Variants in LINGO2 observed in about 807,000 individuals in gnomAD.
LINGO2 encodes leucine rich repeat and Ig domain containing 2.
A neutral mutation model predicts 30.6 loss-of-function variants in LINGO2; 14 were observed. The observed-to-expected ratio is 0.46, with a 90% CI of 0.30 to 0.72. The LOEUF is 0.72. LINGO2 is among the 30% of genes least tolerant of loss of function. The probability of loss-of-function intolerance (pLI) is 0.07; values close to 1 mark genes in which losing one functional copy is unlikely to be tolerated. For synonymous variants in LINGO2, 317 were observed against 288.5 expected (o/e 1.10, Z -1.00); for missense variants, 729 against 751.7 (o/e 0.97, Z 0.35).
At chr9:28,733,657 C>T in the LINGO2 span, among the ~76,000 whole-genome samples, 14 of 152,018 alleles carry the variant, frequency 9.2e-5, no homozygotes, top group Non-Finnish European at 1.3e-4. Flanking sequence ...TTAACCAGTC[C>T]ACCTTTTTCT....
chr9:28,668,547 T>TA (rs150489088), intron 1 of LINGO2, among the ~76,000 whole-genome samples: 1,542 of 147,312 alleles, frequency 0.01, 30 homozygotes, highest in East Asian at 0.074. Context: ...TTTCAGCTGA[T>TA]AAAAAAAAAA....
At chr9:28,181,422 T>A (rs1217400232) in intron 4 of LINGO2, among the ~76,000 whole-genome samples, 4 of 152,160 alleles carry the variant, frequency 2.6e-5, no homozygotes, top group South Asian at 2.1e-4. Flanking sequence ...GATCTCAAAG[T>A]GTGATATCTC....
chr9:27,978,614 T>C (rs1338595555), intron 5 of LINGO2, among the ~76,000 whole-genome samples: 1 of 152,018 alleles, frequency 6.6e-6, no homozygotes, highest in African/African-American at 2.4e-5. Flanking sequence ...CATGAAGGTC[T>C]TCCTACTATG....
the LINGO2 span, among the ~76,000 whole-genome samples, chr9:29,206,255 T>C: frequency 6.6e-6 from 1 of 152,324 alleles, no homozygotes; most frequent in East Asian, 1.9e-4. Context: ...GATAAACTTC[T>C]AAAAGAGGAA....
rs1828958211 is a variant in LINGO2, at chr9:28,670,185, A to G, written c.-365+15T>C. On this transcript the variant is annotated intron_variant, in intron 1 of 5. Coordinates refer to ENST00000379992, the Ensembl canonical transcript of LINGO2. ...TTCATCCTGAAAATACAATTGAAAT[A>G]AATTTGGCATTTACCTCATGTGATT... is the stretch of plus-strand genomic sequence containing the variant. 6.6e-6 allele frequency: 1 copy of G among 152,154 alleles called. No individual in the cohort carries two copies. Among genetic ancestry groups the G allele is most frequent in the Non-Finnish European group, 1.5e-5 (1 of 67,980 alleles). The allele number at this position is 152,154 out of a possible 1,614,324, so 9.4% of individuals were successfully genotyped here.
At chr9:28,231,315 A>G (rs1587279867) in intron 4 of LINGO2, among the ~76,000 whole-genome samples, 1 of 152,044 alleles carries the variant, frequency 6.6e-6, no homozygotes, top group Admixed American at 6.6e-5. Flanking sequence ...TTCCCTATAT[A>G]GGAGCCATTC....
chr9:28,756,095 T>A, the LINGO2 span, among the ~76,000 whole-genome samples: 7 of 152,080 alleles, frequency 4.6e-5, no homozygotes, highest in Non-Finnish European at 7.3e-5. Context: ...AATCACCTGA[T>A]CCATTCTACA....
chr9:28,267,075 CCT>C (rs1019235758), intron 4 of LINGO2, among the ~76,000 whole-genome samples: 43 of 152,076 alleles, frequency 2.8e-4, no homozygotes, highest in African/African-American at 1.0e-3. Flanking sequence ...GCAATAATGC[CCT>C]GTTTGTGTAG....
At chr9:28,529,376 A>G (rs965250954) in intron 1 of LINGO2, among the ~76,000 whole-genome samples, 11 of 152,110 alleles carry the variant, frequency 7.2e-5, no homozygotes, top group African/African-American at 2.7e-4. Flanking sequence ...TGCATTTTAA[A>G]TATGGTATGT....
At chr9:28,258,053 C>A (rs1365376480) in intron 4 of LINGO2, among the ~76,000 whole-genome samples, 1 of 152,004 alleles carries the variant, frequency 6.6e-6, no homozygotes, top group South Asian at 2.1e-4. Flanking sequence ...CCTCTATTTA[C>A]TTGGAAGACC....
chr9:28,866,570 C>T, the LINGO2 span, among the ~76,000 whole-genome samples: 6 of 152,052 alleles, frequency 3.9e-5, no homozygotes, highest in African/African-American at 4.8e-5. Flanking sequence ...ACACCCAGGG[C>T]ACCCAGGGCA....
chr9:29,196,798 T>G, the LINGO2 span, among the ~76,000 whole-genome samples: 1 of 152,080 alleles, frequency 6.6e-6, no homozygotes, highest in Non-Finnish European at 1.5e-5. Flanking sequence ...ATGCTTGGTA[T>G]TCTGGGCTGG....
the LINGO2 span, among the ~76,000 whole-genome samples, chr9:29,097,704 G>C: frequency 7.2e-6 from 1 of 138,230 alleles, no homozygotes; most frequent in East Asian, 2.5e-4. Context: ...AAAAGAGTTG[G>C]TAAGAATCGC....
chr9:28,440,792 C>T (rs1363591364), intron 2 of LINGO2, among the ~76,000 whole-genome samples: 1 of 152,034 alleles, frequency 6.6e-6, no homozygotes, highest in Non-Finnish European at 1.5e-5. Context: ...CAATGATTAA[C>T]AAGAATATTT....
At chr9:28,014,280 C>T (rs1445533929) in intron 4 of LINGO2, among the ~76,000 whole-genome samples, 1 of 152,232 alleles carries the variant, frequency 6.6e-6, no homozygotes, top group South Asian at 2.1e-4. Flanking sequence ...ACAAAAAATT[C>T]TAATGACTAA....
At chr9:28,598,982 T>C (rs1238658727) in intron 1 of LINGO2, 2 of 152,200 alleles carry the variant, frequency 1.3e-5, no homozygotes, top group African/African-American at 4.8e-5. Flanking sequence ...TAAATGTTTT[T>C]CATCAACTTG....
the LINGO2 span, among the ~76,000 whole-genome samples, chr9:29,073,941 T>C: frequency 1.3e-5 from 2 of 152,212 alleles, no homozygotes; most frequent in Non-Finnish European, 2.9e-5. Flanking sequence ...AAAGGGCCTA[T>C]AACTATGAAA....
At chr9:28,905,256 T>C in the LINGO2 span, among the ~76,000 whole-genome samples, 1 of 140,110 alleles carries the variant, frequency 7.1e-6, no homozygotes, top group East Asian at 2.1e-4. Flanking sequence ...ACCCTTTGAG[T>C]ATGAAGCACA....
intron 3 of LINGO2, among the ~76,000 whole-genome samples, chr9:28,356,281 T>C (rs1430278082): frequency 1.3e-5 from 2 of 152,158 alleles, no homozygotes; most frequent in African/African-American, 4.8e-5. Context: ...CAAGCAGGTA[T>C]ATTTCTCAAT....
Sources: allele counts gnomAD v4.1 joint callset (sites outside exome capture counted in the v4.1 genomes callset), GRCh38; gene constraint gnomAD v4.1.1; transcripts MANE v1.5; gene names NCBI Gene and HGNC (gene_info 2026-07-23, HGNC 2026-07-21).